The following TNFAIP8 variants were observed in gnomAD, a reference collection of about 807,000 sequenced individuals.
TNFAIP8 encodes TNF alpha induced protein 8.
A neutral mutation model predicts 13.3 loss-of-function variants in TNFAIP8; 7 were observed. The observed-to-expected ratio is 0.52, with a 90% confidence interval of 0.30 to 0.99. The LOEUF (loss-of-function observed/expected upper bound fraction) is 0.99, where lower values mean the gene tolerates loss of function less well. TNFAIP8 is among the 50% of genes least tolerant of loss of function. TNFAIP8 has a pLI of 0.07. For synonymous variants in TNFAIP8, 94 were observed against 87.6 expected (o/e 1.07, Z -0.41); for missense variants, 258 against 236.9 (o/e 1.09, Z -0.58).
At chr5:119,382,476 C>T (rs777182260) in intron 1 of TNFAIP8, among the ~76,000 whole-genome samples, 3 of 152,116 alleles carry the variant, frequency 2.0e-5, no homozygotes, top group Non-Finnish European at 4.4e-5. Flanking sequence ...TCTCTCTTTT[C>T]GCCACACTCC....
chr5:119,354,075 A>G, upstream of TNFAIP8, among the ~76,000 whole-genome samples: 1 of 152,202 alleles, frequency 6.6e-6, no homozygotes, highest in African/African-American at 2.4e-5. Flanking sequence ...AGGAAAAGCC[A>G]CTTGTGACTG....
At chr5:119,291,671 C>T (rs898168360) in intron 1 of TNFAIP8, among the ~76,000 whole-genome samples, 1 of 152,144 alleles carries the variant, frequency 6.6e-6, no homozygotes, top group Non-Finnish European at 1.5e-5. Flanking sequence ...GATAAAATTC[C>T]TTTTTAGGAT....
At chr5:119,330,880 C>T (rs1750354988) in intron 1 of TNFAIP8, among the ~76,000 whole-genome samples, 1 of 152,056 alleles carries the variant, frequency 6.6e-6, no homozygotes, top group East Asian at 1.9e-4. Flanking sequence ...ATGCCAGTTG[C>T]ACTCTCAGGG....
At chr5:119,302,105 C>T (rs905855953) in intron 1 of TNFAIP8, among the ~76,000 whole-genome samples, 1 of 152,166 alleles carries the variant, frequency 6.6e-6, no homozygotes, top group Non-Finnish European at 1.5e-5. Context: ...ATTCACTCAC[C>T]AGATATTTTG....
intron 1 of TNFAIP8, among the ~76,000 whole-genome samples, chr5:119,379,917 G>A (rs927433047): frequency 1.3e-5 from 2 of 152,192 alleles, no homozygotes; most frequent in African/African-American, 2.4e-5. Context: ...TTAGTTCGAG[G>A]AGTTGCTTTA....
At chr5:119,372,239 A>G (rs928174718) in intron 1 of TNFAIP8, among the ~76,000 whole-genome samples, 5 of 150,868 alleles carry the variant, frequency 3.3e-5, no homozygotes, top group African/African-American at 1.2e-4. Flanking sequence ...GAGGTGGATC[A>G]CCTAAGCCTG....
At position 119,399,050 on chromosome 5, in the gene TNFAIP8, A is replaced by G. The variant is rs549628554; in HGVS notation, c.*5669A>G. 1.3e-5 allele frequency: 2 copies of G among 152,366 alleles called. No homozygotes were observed. The highest frequency in any genetic ancestry group is 3.9e-4 in the East Asian group (2 of 5,188). 9.4% of individuals were successfully genotyped at this position (152,366 alleles called of 1,614,324 possible). ...CTGATAATTGGATCAAAGTTCCAGC[A>G]TTATTGCTCTTTTCGAATCATATGG... is the stretch of plus-strand genomic sequence containing the variant. On this transcript the variant is annotated 3_prime_UTR_variant, in exon 2 of 2. Coordinates refer to ENST00000504771, the MANE Select transcript of TNFAIP8 (RefSeq NM_014350.4).
intron 1 of TNFAIP8, among the ~76,000 whole-genome samples, chr5:119,291,251 A>G (rs993184869): frequency 1.3e-5 from 2 of 152,122 alleles, no homozygotes; most frequent in African/African-American, 2.4e-5. Context: ...ATCTGTTTCT[A>G]TTTCCCCTGC....
At chr5:119,290,315 C>T (rs1261162370) in intron 1 of TNFAIP8, among the ~76,000 whole-genome samples, 1 of 152,196 alleles carries the variant, frequency 6.6e-6, no homozygotes, top group African/African-American at 2.4e-5. Flanking sequence ...GGATTGTAGT[C>T]GGTGAGCTGG....
In TNFAIP8 at chr5:119,377,548, T is replaced by C. The variant is rs575431647; in HGVS notation, c.32-15268T>C. Among the ~76,000 whole-genome samples, 7 of 152,308 alleles carry C rather than the reference T, an allele frequency of 4.6e-5. No homozygotes were observed. The South Asian group carries it at 8.3e-4, about 18-fold the overall frequency. On this transcript the variant is annotated intron_variant, in intron 1 of 1. Coordinates refer to ENST00000504771, the MANE Select transcript of TNFAIP8 (RefSeq NM_014350.4). ...CAAGTTCAGTTTTCTCCTGGGATCA[T>C]TGTAAATTTGTCAAATTTACCACCG...
intron 1 of TNFAIP8, among the ~76,000 whole-genome samples, chr5:119,301,538 G>A (rs1749393209): frequency 6.7e-6 from 1 of 150,278 alleles, no homozygotes; most frequent in Non-Finnish European, 1.5e-5. Context: ...TTATTTATAT[G>A]CCATAGCTCC....
rs77850120 is a variant in TNFAIP8 at position 119,358,547 on chromosome 5, T to A, written c.31+2426T>A. ...TGCTTTATTAAAAACTGAATGAGTT[T>A]AAATTATTCAGACATAGAATAAATA... On this transcript the variant is annotated intron_variant, in intron 1 of 1. Transcript: ENST00000504771. Among the ~76,000 whole-genome samples the A allele has an allele frequency of 4.4e-3, 668 of 152,276 alleles. 8 individuals are homozygous for A. Among genetic ancestry groups the A allele is most frequent in the South Asian group, 0.042 (204 of 4,826 alleles).
At chr5:119,364,061 G>A (rs761689416) in intron 1 of TNFAIP8, among the ~76,000 whole-genome samples, 2 of 152,194 alleles carry the variant, frequency 1.3e-5, no homozygotes, top group Non-Finnish European at 2.9e-5. Flanking sequence ...CACCCTCCCA[G>A]CACCTCCAGG....
chr5:119,335,181 G>A (rs1400264837), intron 1 of TNFAIP8, among the ~76,000 whole-genome samples: 1 of 152,142 alleles, frequency 6.6e-6, no homozygotes, highest in Non-Finnish European at 1.5e-5. Context: ...GGAACTGGCT[G>A]AATTGCCTGT....
intron 1 of TNFAIP8, among the ~76,000 whole-genome samples, chr5:119,334,073 CTGTT>C (rs1750468933): frequency 1.4e-5 from 2 of 146,644 alleles, no homozygotes; most frequent in African/African-American, 2.6e-5. Context: ...AAACACAAGG[CTGTT>C]TATTTCTATT....
At chr5:119,306,003 G>A (rs1561993152) in intron 1 of TNFAIP8, among the ~76,000 whole-genome samples, 1 of 152,114 alleles carries the variant, frequency 6.6e-6, no homozygotes. Context: ...GACTGCCTGC[G>A]CCGCCCTGCC....
intron 1 of TNFAIP8, among the ~76,000 whole-genome samples, chr5:119,301,071 A>G (rs1749375829): frequency 1.3e-5 from 2 of 152,222 alleles, no homozygotes; most frequent in South Asian, 2.1e-4. Context: ...CAAGATTATC[A>G]TAAGTCTCCT....
In TNFAIP8 at chr5:119,302,135, A is replaced by AGTT. The variant is rs546789793; in HGVS notation, c.1+33231_1+33233dup. Reference sequence around the variant, plus strand: ...ATTTTGAATCATAGGACCATTATTTAGTTGTCCTAGTTGGGGTCAGGCTAA... The same window carrying AGTT: ...ATTTTGAATCATAGGACCATTATTTAGTTGTTGTCCTAGTTGGGGTCAGGCTAA... On this transcript the variant is annotated intron_variant, in intron 1 of 1. Transcript: ENST00000274456. 3.7e-4 allele frequency among the ~76,000 whole-genome samples: 57 copies of AGTT among 152,344 alleles called. 1 individual carries two copies. The highest frequency in any genetic ancestry group is 1.2e-3 in the Admixed American group (18 of 15,310).
intron 1 of TNFAIP8, among the ~76,000 whole-genome samples, chr5:119,301,758 G>A (rs1749401891): frequency 6.6e-6 from 1 of 152,150 alleles, no homozygotes; most frequent in Non-Finnish European, 1.5e-5. Context: ...AATCAACCTG[G>A]AAGTATTAAG....
Sources: allele counts gnomAD v4.1 joint callset (sites outside exome capture counted in the v4.1 genomes callset), GRCh38; gene constraint gnomAD v4.1.1; transcripts MANE v1.5; gene names NCBI Gene and HGNC (gene_info 2026-07-23, HGNC 2026-07-21).